LIG1: variants seen among roughly 807,000 people sequenced by gnomAD.
LIG1 encodes the protein ligase I, DNA, ATP-dependent.
LIG1 carries 70 observed loss-of-function variants against 115.7 expected under a neutral mutation model. That is an observed-to-expected ratio of 0.60 (90% CI 0.50 to 0.74). LIG1 has a LOEUF of 0.74. Ranked by LOEUF, LIG1 falls within the 30% of genes least tolerant of loss-of-function variation. The probability of loss-of-function intolerance (pLI) is 0.00; values close to 1 mark genes in which losing one functional copy is unlikely to be tolerated. For synonymous variants in LIG1, 487 were observed against 495.3 expected, an observed-to-expected ratio of 0.98 and a Z score of 0.22; for missense variants, 1,115 against 1,225.6, an observed-to-expected ratio of 0.91 and a Z score of 1.35.
chr19:48,160,876 G>A (rs1166249899), intron 4 of LIG1, among the ~76,000 whole-genome samples: 1 of 151,934 alleles, frequency 6.6e-6, no homozygotes, highest in Non-Finnish European at 1.5e-5. Flanking sequence ...AGCACCACAG[G>A]CATGCACCAC....
At position 48,137,923 on chromosome 19, in the gene LIG1, G is replaced by A. The variant is rs1167401117; in HGVS notation, c.1088-235C>T. 1 of 603,948 alleles carries A rather than the reference G, an allele frequency of 1.7e-6. No homozygotes were observed. The allele number at this position is 603,948 out of a possible 1,614,324, so 37.4% of individuals were successfully genotyped here. A position where few individuals can be genotyped will look rare whatever the true frequency, so the allele number is the denominator to read the frequency against. On this transcript the variant is annotated intron_variant, in intron 12 of 27. Transcript: ENST00000263274. This position sits in a 1 kb window ranked among gnomAD's most constrained non-coding sequence, Gnocchi z 4.3. ...ACGTGGAGCCAGGAAAGCGGTGGAT[G>A]AACGAGCATGACCACACTCAGGGGA...
chr19:48,117,737 G>T lies in LIG1; in HGVS notation c.2484C>A (p.Gly828=). Residue 828 remains glycine (G), a synonymous_variant, in exon 26 of 28, where the codon GGC becomes GGA. Coordinates refer to ENST00000263274, the MANE Select transcript of LIG1 (RefSeq NM_000234.3). ...CCAGCCAGTGGTCGGGAATCACAGC[G>T]CCATCTATCCGCACGTAAGGGCGTG... is the stretch of plus-strand genomic sequence containing the variant. The part of the protein sequence containing the change: ...PSPRPYVRID[G]AVIPDHWLDP... 6.2e-7 allele frequency: 1 copy of T among 1,613,140 alleles called. No individual in the cohort carries two copies. The highest frequency in any genetic ancestry group is 8.5e-7 in the Non-Finnish European group (1 of 1,179,800).
Position 48,127,453 on chromosome 19 carries a change from AC to A in LIG1, c.1933-106del, listed in dbSNP as rs2033747049. ...ACCGGTCTCCCTCTCGCCCCACCTA[AC>A]TGGCTGCCCATCTGTGAGGGCGGCC... On this transcript the variant is annotated intron_variant, in intron 20 of 27. Coordinates refer to ENST00000263274, the MANE Select transcript of LIG1 (RefSeq NM_000234.3). 8 of 1,028,700 alleles carry A rather than the reference AC, an allele frequency of 7.8e-6. No individual in the cohort carries two copies. In the Admixed American group the frequency reaches 1.4e-4, roughly 18 times the overall value. 63.7% of individuals were successfully genotyped at this position (1,028,700 alleles called of 1,614,324 possible). A position where few individuals can be genotyped will look rare whatever the true frequency, so the allele number is the denominator to read the frequency against.
At chr19:48,129,078 A>G (rs2033856810) in intron 19 of LIG1, among the ~76,000 whole-genome samples, 1 of 108,940 alleles carries the variant, frequency 9.2e-6, no homozygotes, top group Admixed American at 8.8e-5. Context: ...TTTTTGAGAC[A>G]GTCTCCCACT....
chr19:48,165,492 G>T, intron 2 of LIG1, 58 bp downstream of exon 2: 1 of 1,290,186 alleles, frequency 7.8e-7, no homozygotes, highest in Non-Finnish European at 1.1e-6. Flanking sequence ...TACAGATTTA[G>T]AGAAAGAAAC....
chr19:48,139,844 C>T, intron 12 of LIG1, 127 bp downstream of exon 12: 3 of 1,113,044 alleles, frequency 2.7e-6, no homozygotes. Context: ...GGCTCTCCTC[C>T]CTCTCAGCCT....
At chr19:48,149,964 G>T (rs1462740275) in intron 8 of LIG1, 123 bp from the exon 9 acceptor site, 1 of 1,565,410 alleles carries the variant, frequency 6.4e-7, no homozygotes, top group Non-Finnish European at 8.7e-7. Flanking sequence ...GTAGAGACAA[G>T]GCCGACTTTC....
At chr19:48,152,375 G>A (rs529829876) in intron 6 of LIG1, among the ~76,000 whole-genome samples, 5 of 152,264 alleles carry the variant, frequency 3.3e-5, no homozygotes, top group East Asian at 3.9e-4. Flanking sequence ...CACCCGCTTC[G>A]GCCTCCCAAA....
intron 17 of LIG1, 82 bp from the exon 18 acceptor site, chr19:48,133,179 G>T: frequency 2.2e-6 from 2 of 905,512 alleles, no homozygotes; most frequent in Non-Finnish European, 3.7e-6. Flanking sequence ...CTGCTAATGG[G>T]CCCCAGGACC....
At chr19:48,145,557 C>CA (rs1409901818) in intron 9 of LIG1, among the ~76,000 whole-genome samples, 5 of 147,474 alleles carry the variant, frequency 3.4e-5, no homozygotes, top group African/African-American at 1.2e-4. Context: ...GATGCTCACA[C>CA]AGGGCATGGA....
intron 9 of LIG1, chr19:48,147,166 G>A (rs549984070): frequency 6.6e-6 from 1 of 152,330 alleles, no homozygotes; most frequent in South Asian, 2.1e-4. Context: ...TGACATCAAA[G>A]AGATTTTGGA....
chr19:48,163,899 C>G (rs187998), intron 2 of LIG1, among the ~76,000 whole-genome samples: 13,435 of 146,702 alleles, frequency 0.092, 1,498 homozygotes, highest in African/African-American at 0.26. Flanking sequence ...GAGCCAAGAT[C>G]GCGCCACTGC....
At chr19:48,154,060 G>T in intron 5 of LIG1, 93 bp from the exon 6 acceptor site, 2 of 1,050,012 alleles carry the variant, frequency 1.9e-6, no homozygotes, top group Non-Finnish European at 3.0e-6. Flanking sequence ...CCTCTGGAAG[G>T]CTCTGGGCCC....
At chr19:48,163,773 T>TC (rs2036322317) in intron 2 of LIG1, among the ~76,000 whole-genome samples, 1 of 151,754 alleles carries the variant, frequency 6.6e-6, no homozygotes, top group Non-Finnish European at 1.5e-5. Flanking sequence ...GAAACCCTGC[T>TC]TCTACTAAAA....
intron 26 of LIG1, chr19:48,116,312 G>C: frequency 3.4e-6 from 1 of 295,980 alleles, no homozygotes; most frequent in South Asian, 3.3e-5. Context: ...CAGGTGTGGT[G>C]GCGGGCGCCT....
At chr19:48,156,324 G>A (rs2035833419) in intron 5 of LIG1, among the ~76,000 whole-genome samples, 1 of 152,064 alleles carries the variant, frequency 6.6e-6, no homozygotes, top group South Asian at 2.1e-4. Flanking sequence ...ATGGCCCCGC[G>A]CTTGTGTTCC....
intron 18 of LIG1, among the ~76,000 whole-genome samples, 179 bp from the exon 19 acceptor site, chr19:48,131,350 A>C (rs939179995): frequency 6.6e-6 from 1 of 152,138 alleles, no homozygotes; most frequent in Admixed American, 6.5e-5. Context: ...CCTGCTCTGG[A>C]AGGCCCTACC....
At chr19:48,154,051 C>T (rs1416096565) in intron 5 of LIG1, 84 bp from the exon 6 acceptor site, 1 of 1,080,874 alleles carries the variant, frequency 9.3e-7, no homozygotes, top group Non-Finnish European at 1.4e-6. Flanking sequence ...CTGATGTAGC[C>T]TCTGGAAGGC....
chr19:48,133,250 C>T (rs1383584957), intron 17 of LIG1, 153 bp from the exon 18 acceptor site: 1 of 646,688 alleles, frequency 1.5e-6, no homozygotes, highest in Non-Finnish European at 2.8e-6. Context: ...GACCTAGCCT[C>T]CCACTGGGGA....
Sources: gnomAD v4.1 joint callset for allele counts (sites outside exome capture counted in the v4.1 genomes callset) on GRCh38, gnomAD v4.1.1 for gene constraint, Gnocchi (gnomAD v3.1) non-coding constraint, MANE v1.5 for transcripts, NCBI Gene and HGNC (gene_info 2026-07-23, HGNC 2026-07-21) for gene names.